The following WDPCP variants were observed in gnomAD, a reference collection of about 807,000 sequenced individuals.
WDPCP encodes the protein WD repeat containing planar cell polarity effector, also known as WD repeat-containing and planar cell polarity effector protein fritz homolog.
Under a neutral mutation model 93.1 loss-of-function variants are expected in WDPCP, and 71 were observed. The observed-to-expected ratio is 0.76, with a 90% confidence interval of 0.63 to 0.93. The LOEUF is 0.93. WDPCP is among the 40% of genes least tolerant of loss of function. The pLI is 0.00. For synonymous variants in WDPCP, 315 were observed against 315.0 expected, an observed-to-expected ratio of 1.00 and a Z score of 0.00; for missense variants, 844 against 887.4, an observed-to-expected ratio of 0.95 and a Z score of 0.62.
chr2:63,421,296 G>T (rs895661784), intron 9 of WDPCP, among the ~76,000 whole-genome samples: 1 of 151,886 alleles, frequency 6.6e-6, no homozygotes, highest in Non-Finnish European at 1.5e-5. Context: ...ATACTTTTGG[G>T]CATGTGAAAG....
chr2:63,222,798 TATA>T (rs921392667), intron 14 of WDPCP, among the ~76,000 whole-genome samples: 1 of 152,172 alleles, frequency 6.6e-6, no homozygotes, highest in Non-Finnish European at 1.5e-5. Flanking sequence ...TTTTTTAACT[TATA>T]AATTATTTTC....
In WDPCP at chr2:63,756,808, C is replaced by T. The variant is rs544490708; in HGVS notation, n.308+56814G>A. Among the ~76,000 whole-genome samples the T allele has an allele frequency of 3.3e-5, 5 of 152,214 alleles. No individual in the cohort carries two copies. The East Asian group carries it at 9.6e-4, about 29-fold the overall frequency. ...AGGTTTTGTTTATTGGTCCTTTAAT[C>T]CTGTTAATCTAAAAATAGAATTTCA... On this transcript the variant is annotated intron_variant and non_coding_transcript_variant, in intron 2 of 4. Transcript: ENST00000467687.
chr2:63,527,723 G>C (rs1396443253), intron 1 of WDPCP, among the ~76,000 whole-genome samples: 3 of 151,962 alleles, frequency 2.0e-5, no homozygotes, highest in Admixed American at 6.6e-5. Context: ...ATAATCCTTT[G>C]GGTATATGCC....
At chr2:63,634,973 C>G (rs1171870013) in intron 3 of WDPCP, among the ~76,000 whole-genome samples, 1 of 151,760 alleles carries the variant, frequency 6.6e-6, no homozygotes, top group Non-Finnish European at 1.5e-5. Context: ...AGAAAACTGA[C>G]AAACATTTAG....
intron 3 of WDPCP, among the ~76,000 whole-genome samples, chr2:63,636,577 A>G (rs1709922475): frequency 6.6e-6 from 1 of 152,198 alleles, no homozygotes; most frequent in African/African-American, 2.4e-5. Context: ...CTGGGACTAC[A>G]GGTACATACC....
chr2:63,485,768 A>T (rs76196733), intron 4 of WDPCP, among the ~76,000 whole-genome samples: 6,896 of 151,850 alleles, frequency 0.045, 189 homozygotes, highest in South Asian at 0.07. Flanking sequence ...CTCATTAATA[A>T]TTCTAAATGA....
chr2:63,549,242 T>A (rs1705385428), intron 1 of WDPCP, among the ~76,000 whole-genome samples: 2 of 80,450 alleles, frequency 2.5e-5, no homozygotes, highest in African/African-American at 1.1e-4. Flanking sequence ...AGAGTGAGAC[T>A]GTCTCAAAAA....
upstream of WDPCP, chr2:63,593,435 A>G (rs746931735): frequency 7.7e-6 from 3 of 388,250 alleles, no homozygotes; most frequent in South Asian, 2.0e-5. Context: ...TTTGACTTCT[A>G]TGAGTGAGTA....
intron 3 of WDPCP, chr2:63,604,974 C>T: frequency 8.8e-7 from 1 of 1,130,692 alleles, no homozygotes; most frequent in Non-Finnish European, 1.3e-6. Flanking sequence ...CACAGTTGCT[C>T]TGATGACTGC....
chr2:63,367,382 C>T (rs541126556), intron 12 of WDPCP, among the ~76,000 whole-genome samples: 47 of 152,122 alleles, frequency 3.1e-4, no homozygotes, highest in Admixed American at 1.2e-3. Context: ...CAATACATAT[C>T]AAGATTCCTT....
intron 2 of WDPCP, among the ~76,000 whole-genome samples, chr2:63,769,259 T>C (rs555493533): frequency 6.6e-6 from 1 of 151,820 alleles, no homozygotes; most frequent in South Asian, 2.1e-4. Context: ...AGAACAGAAA[T>C]AGTAATAATG....
chr2:63,414,900 C>T (rs1241056053), intron 9 of WDPCP, among the ~76,000 whole-genome samples: 2 of 151,962 alleles, frequency 1.3e-5, no homozygotes, highest in Non-Finnish European at 2.9e-5. Flanking sequence ...GGAGTAAGAC[C>T]ATGGACTTAT....
intron 3 of WDPCP, among the ~76,000 whole-genome samples, chr2:63,624,722 T>A (rs202124613): frequency 1.3e-4 from 20 of 152,138 alleles, no homozygotes; most frequent in Non-Finnish European, 2.9e-5. Flanking sequence ...CAGAACCAGA[T>A]GGATTCACAG....
intron 17 of WDPCP, among the ~76,000 whole-genome samples, chr2:63,133,392 G>A (rs1670417297): frequency 6.6e-6 from 1 of 152,168 alleles, no homozygotes; most frequent in African/African-American, 2.4e-5. Context: ...CTTTAGACAA[G>A]TTAGAATGTT....
intron 13 of WDPCP, among the ~76,000 whole-genome samples, chr2:63,276,428 A>G (rs1400719717): frequency 6.6e-6 from 1 of 152,228 alleles, no homozygotes; most frequent in Admixed American, 6.5e-5. Context: ...TAAGCTAATC[A>G]AGGAGGTACC....
chr2:63,241,383 A>C (rs181788908), intron 14 of WDPCP, among the ~76,000 whole-genome samples: 1 of 152,292 alleles, frequency 6.6e-6, no homozygotes, highest in Non-Finnish European at 1.5e-5. Flanking sequence ...CAAACAAATA[A>C]TATAACGCAC....
chr2:63,434,241 C>T (rs776597489), intron 8 of WDPCP, among the ~76,000 whole-genome samples: 2 of 150,302 alleles, frequency 1.3e-5, no homozygotes, highest in Non-Finnish European at 1.5e-5. Context: ...CTGACAGCAT[C>T]GACCTACACA....
At chr2:63,365,605 G>T (rs1690843664) in intron 12 of WDPCP, among the ~76,000 whole-genome samples, 1 of 151,940 alleles carries the variant, frequency 6.6e-6, no homozygotes, top group Non-Finnish European at 1.5e-5. Context: ...TTTCCTAATG[G>T]TAAGACTAAT....
chr2:63,605,133 A>G (rs1454418775), intron 3 of WDPCP: 3 of 652,074 alleles, frequency 4.6e-6, no homozygotes, highest in East Asian at 2.7e-5. Context: ...AAGGATTGGT[A>G]AGGCTGACAT....
Sources: gnomAD v4.1 joint callset for allele counts (sites outside exome capture counted in the v4.1 genomes callset) on GRCh38, gnomAD v4.1.1 for gene constraint, MANE v1.5 for transcripts, NCBI Gene and HGNC (gene_info 2026-07-23, HGNC 2026-07-21) for gene names.